Variants in ADGRL2 observed in about 807,000 individuals in gnomAD.
ADGRL2 encodes adhesion G protein-coupled receptor L2.
A neutral mutation model predicts 157.4 loss-of-function variants in ADGRL2; 44 were observed. The ratio of observed to expected loss-of-function variants is 0.28; its 90% CI spans 0.22 to 0.36. ADGRL2 has a LOEUF of 0.36. Among genes scored for constraint, ADGRL2 ranks in the 10% least tolerant of loss-of-function variants. ADGRL2 has a pLI of 1.00. For missense variants in ADGRL2, 1,510 were observed against 1,768.9 expected (o/e 0.85, Z 2.63); for synonymous variants, 585 against 624.7 (o/e 0.94, Z 0.95).
chr1:81,427,387 A>T (rs2077237792), intron 1 of ADGRL2: 2 of 740,204 alleles, frequency 2.7e-6, no homozygotes, highest in Admixed American at 3.5e-5. Flanking sequence ...AAGGTGGTAG[A>T]TATGGTGGTG....
rs1295684162 is a variant in ADGRL2, at chr1:81,966,062, G to A, written c.2022G>A (p.Leu674=). 3.1e-6 allele frequency: 5 copies of A among 1,613,660 alleles called. No individual in the cohort carries two copies. The highest frequency in any genetic ancestry group is 3.3e-5 in the Admixed American group (2 of 59,956). ...RVSMPTENIV[L]EVAVLSTEGQ... Reference sequence around the variant, plus strand: ...TTTATCTTTTCCCTCATCCAGTCCTGGAAGTTGCCGTACTCAGTACAGAAG... The same window carrying A: ...TTTATCTTTTCCCTCATCCAGTCCTAGAAGTTGCCGTACTCAGTACAGAAG... The change falls in exon 12 of 24, where the codon CTG becomes CTA. Residue 674 remains leucine, a synonymous_variant. Coordinates refer to ENST00000686636, the MANE Select transcript of ADGRL2 (RefSeq NM_001366006.2).
At chr1:81,746,981 T>TATATACACACGTATACACACGG in intron 1 of ADGRL2, among the ~76,000 whole-genome samples, 1 of 147,618 alleles carries the variant, frequency 6.8e-6, no homozygotes. Context: ...TATACACACG[T>TATATACACACGTATACACACGG]GTGTATATAC....
At position 81,463,483 on chromosome 1, in the gene ADGRL2, C is replaced by G. The variant is rs549123392; in HGVS notation, c.-248+18394C>G. 2.0e-5 allele frequency among the ~76,000 whole-genome samples: 3 copies of G among 152,232 alleles called. No individual in the cohort carries two copies. In the East Asian group the frequency reaches 5.8e-4, roughly 29 times the overall value. The stretch of plus-strand genomic sequence containing the variant: ...AGATGACAGTTCCCCAAATTGAGAA[C>G]TTTTGTTACAAAACTGCTCCAGAGA... On this transcript the variant is annotated intron_variant, in intron 2 of 24. Coordinates refer to the ADGRL2 transcript ENST00000370721.
Position 81,439,094 on chromosome 1 carries a change from T to A in ADGRL2, c.-301-5942T>A, listed in dbSNP as rs1455745520. Among the ~76,000 whole-genome samples the A allele has an allele frequency of 1.3e-5, 2 of 152,202 alleles. 1 individual carries two copies. Among genetic ancestry groups the A allele is most frequent in the South Asian group, 4.1e-4 (2 of 4,824 alleles). On this transcript the variant is annotated intron_variant, in intron 1 of 24. Coordinates refer to the ADGRL2 transcript ENST00000370721. ...CTTGTCAAAGTGTAAAAAAATTATA[T>A]TGCACATAGTTGTTTGCTTAATATC...
At chr1:81,516,304 A>G (rs1001986336) in intron 2 of ADGRL2, among the ~76,000 whole-genome samples, 6 of 152,200 alleles carry the variant, frequency 3.9e-5, no homozygotes, top group Non-Finnish European at 7.3e-5. Context: ...TGTCAGGGCA[A>G]TTGCGAGAGG....
At chr1:81,644,201 C>G (rs1211031695) in intron 3 of ADGRL2, among the ~76,000 whole-genome samples, 1 of 152,116 alleles carries the variant, frequency 6.6e-6, no homozygotes, top group African/African-American at 2.4e-5. Flanking sequence ...AGAGCATACA[C>G]CCTTTACAAA....
intron 2 of ADGRL2, among the ~76,000 whole-genome samples, chr1:81,496,115 T>C (rs1291525285): frequency 6.6e-6 from 1 of 152,136 alleles, no homozygotes; most frequent in Non-Finnish European, 1.5e-5. Flanking sequence ...ATTAGACCAG[T>C]AGGAAGCAGA....
chr1:81,970,911 GA>G (rs761988620), intron 16 of ADGRL2, among the ~76,000 whole-genome samples: 1 of 152,106 alleles, frequency 6.6e-6, no homozygotes, highest in Non-Finnish European at 1.5e-5. Context: ...TTGTGCAGCT[GA>G]CCCTCTATAG....
Position 81,966,496 on chromosome 1 carries a change from G to C in ADGRL2, c.2236G>C (p.Gly746Arg). The change falls in exon 13 of 24, where the codon GGT (glycine) becomes CGT (arginine). Residue 746 changes from glycine (G) to arginine (R), a missense_variant. By Grantham distance (125) the Gly-to-Arg change is moderately radical. Coordinates refer to ENST00000686636, the MANE Select transcript of ADGRL2 (RefSeq NM_001366006.2). ...ATIKLGADFIGRNSTIAVNSH... is the reference protein window; with the variant it reads ...ATIKLGADFIRRNSTIAVNSH... The stretch of plus-strand genomic sequence containing the variant: ...CATTAAACTGGGTGCTGATTTTATT[G>C]GTCGTAATAGCACCATTGCAGTGAA... 1 of 1,613,762 alleles carries C rather than the reference G, an allele frequency of 6.2e-7. No homozygotes were observed.
intron 2 of ADGRL2, among the ~76,000 whole-genome samples, chr1:81,468,309 G>T (rs2078102084): frequency 1.3e-5 from 2 of 152,066 alleles, no homozygotes; most frequent in African/African-American, 4.8e-5. Context: ...GCTGATACTG[G>T]TTTCTTATAA....
At chr1:81,809,452 G>A (rs1000816489) in intron 1 of ADGRL2, among the ~76,000 whole-genome samples, 6 of 151,918 alleles carry the variant, frequency 3.9e-5, no homozygotes, top group African/African-American at 1.4e-4. Flanking sequence ...TGAACTATTA[G>A]TTCTTGGCTA....
intron 19 of ADGRL2, among the ~76,000 whole-genome samples, chr1:81,983,002 A>C (rs3790877): frequency 0.22 from 32,791 of 151,864 alleles, 4,064 homozygotes; most frequent in East Asian, 0.6. Flanking sequence ...AACATTGTAC[A>C]GGGGTAACAT....
intron 1 of ADGRL2, among the ~76,000 whole-genome samples, chr1:81,321,397 G>A (rs901148578): frequency 2.6e-5 from 4 of 152,168 alleles, no homozygotes; most frequent in African/African-American, 9.7e-5. Flanking sequence ...TGGTGCAAGA[G>A]GCCTATGGCT....
chr1:81,858,544 T>A (rs1380866790), intron 2 of ADGRL2, among the ~76,000 whole-genome samples: 5 of 152,150 alleles, frequency 3.3e-5, no homozygotes, highest in Admixed American at 3.3e-4. Context: ...GAGAATGTAT[T>A]TCTTTCCTAT....
At chr1:81,310,147 G>C (rs1659644870) in intron 1 of ADGRL2, among the ~76,000 whole-genome samples, 1 of 152,068 alleles carries the variant, frequency 6.6e-6, no homozygotes, top group Admixed American at 6.6e-5. Context: ...AAATGAAGTA[G>C]CAATGCATGT....
At chr1:81,449,362 G>C (rs1248374843) in intron 2 of ADGRL2, among the ~76,000 whole-genome samples, 1 of 152,148 alleles carries the variant, frequency 6.6e-6, no homozygotes, top group African/African-American at 2.4e-5. Context: ...TAAGACACAG[G>C]GATAATTGAA....
intron 2 of ADGRL2, among the ~76,000 whole-genome samples, chr1:81,545,141 ATAAT>A (rs1367829852): frequency 6.6e-6 from 1 of 152,172 alleles, no homozygotes; most frequent in East Asian, 1.9e-4. Flanking sequence ...TAATCTCTAA[ATAAT>A]CTCATATAAT....
At chr1:81,413,442 A>G (rs930089406) in intron 1 of ADGRL2, among the ~76,000 whole-genome samples, 9 of 152,154 alleles carry the variant, frequency 5.9e-5, no homozygotes, top group African/African-American at 2.2e-4. Flanking sequence ...GAAAACATTA[A>G]TTTCACTTAA....
In ADGRL2 at chr1:81,468,673, C is replaced by T. The variant is rs990604435; in HGVS notation, c.-248+23584C>T. On this transcript the variant is annotated intron_variant, in intron 2 of 24. Coordinates refer to the ADGRL2 transcript ENST00000370721. ...TAGCATAAATTCAATACCCTGTGCA[C>T]GAAATAATCACTGCATCAGATTTTT... Among the ~76,000 whole-genome samples the T allele has an allele frequency of 3.3e-5, 5 of 152,132 alleles. No individual in the cohort carries two copies. In the East Asian group the frequency reaches 7.7e-4, roughly 23 times the overall value.
Sources: gnomAD v4.1 joint callset for allele counts (sites outside exome capture counted in the v4.1 genomes callset) on GRCh38, gnomAD v4.1.1 for gene constraint, MANE v1.5 for transcripts, NCBI Gene and HGNC (gene_info 2026-07-23, HGNC 2026-07-21) for gene names.